SEL1L3: variants seen among roughly 807,000 people sequenced by gnomAD.
SEL1L3 encodes the protein SEL1L family member 3, also known as protein sel-1 homolog 3.
Under a neutral mutation model 142.8 loss-of-function variants are expected in SEL1L3, and 76 were observed. The observed-to-expected ratio is 0.53, with a 90% CI of 0.44 to 0.64. The LOEUF is 0.64. SEL1L3 is among the 30% of genes least tolerant of loss of function. SEL1L3 has a pLI of 0.00. For missense variants in SEL1L3, 1,262 were observed against 1,381.7 expected (o/e 0.91, Z 1.37); for synonymous variants, 504 against 519.6 (o/e 0.97, Z 0.41).
chr4:25,812,864 T>G (rs1714124090), intron 9 of SEL1L3, among the ~76,000 whole-genome samples: 1 of 151,672 alleles, frequency 6.6e-6, no homozygotes, highest in Admixed American at 6.6e-5. Context: ...AATACAAAAA[T>G]TAGCTGGGTG....
chr4:25,814,079 A>C (rs1714210038), intron 9 of SEL1L3, among the ~76,000 whole-genome samples: 1 of 152,188 alleles, frequency 6.6e-6, no homozygotes, highest in Non-Finnish European at 1.5e-5. Flanking sequence ...GTGTCTATGA[A>C]GAAAAGCTGC....
chr4:25,777,006 T>C (rs1461719560), intron 16 of SEL1L3, among the ~76,000 whole-genome samples: 1 of 151,456 alleles, frequency 6.6e-6, no homozygotes, highest in Non-Finnish European at 1.5e-5. Flanking sequence ...AATACACCAA[T>C]TAAAGATGAA....
At chr4:25,838,382 G>C (rs531066491) in intron 2 of SEL1L3, among the ~76,000 whole-genome samples, 1 of 152,310 alleles carries the variant, frequency 6.6e-6, no homozygotes, top group African/African-American at 2.4e-5. Context: ...AGAGGCAACA[G>C]ATATTATATG....
In SEL1L3 at chr4:25,802,306, G is replaced by T. The variant is rs1267827048; in HGVS notation, c.1933C>A (p.Gln645Lys). The T allele has an allele frequency of 6.2e-7, 1 of 1,613,452 alleles. No homozygotes were observed. Among genetic ancestry groups the T allele is most frequent in the Non-Finnish European group, 8.5e-7 (1 of 1,179,768 alleles). Residue 645 changes from glutamine (Q) to lysine (K), a missense_variant, in exon 11 of 24, where the codon CAG (glutamine) becomes AAG (lysine). This residue lies in a region of SEL1L3 where 435 missense variants were observed against 559.2 expected (regional missense o/e 0.78). Coordinates refer to ENST00000399878, the MANE Select transcript of SEL1L3 (RefSeq NM_015187.5). ...ACCTGATCTCCTTGCAGTGTGTGCT[G>T]GTCAAGGGGTGTCTTGGTGGCAATG... ...SNIATKTPLDQHTLQGDQAYV... is the reference protein window; with the variant it reads ...SNIATKTPLDKHTLQGDQAYV...
intron 2 of SEL1L3, among the ~76,000 whole-genome samples, chr4:25,837,669 G>A (rs1298845781): frequency 3.3e-5 from 5 of 152,090 alleles, no homozygotes; most frequent in Admixed American, 6.5e-5. Context: ...TTTGCCCTCA[G>A]TATGATACTG....
chr4:25,860,389 G>C (rs1577710583), intron 1 of SEL1L3, among the ~76,000 whole-genome samples: 1 of 152,132 alleles, frequency 6.6e-6, no homozygotes, highest in Non-Finnish European at 1.5e-5. Flanking sequence ...CCTTGATTGA[G>C]CAAAATGCAC....
intron 11 of SEL1L3, among the ~76,000 whole-genome samples, chr4:25,799,903 G>C (rs1302366568): frequency 6.6e-6 from 1 of 151,762 alleles, no homozygotes; most frequent in Non-Finnish European, 1.5e-5. Context: ...AGAAAATGTA[G>C]AGAGAGAACA....
chr4:25,811,091 G>A lies in SEL1L3; in HGVS notation c.1565-6339C>T, dbSNP rs188183463. ...CTGGTCCACAATTCTCACTGTGGTC[G>A]CCCCAGGGCCTGGCACCATGTGGGA... On this transcript the variant is annotated intron_variant, in intron 9 of 23. Transcript: ENST00000399878. 1.2e-4 allele frequency among the ~76,000 whole-genome samples: 18 copies of A among 152,272 alleles called. 1 individual carries two copies. In the East Asian group the frequency reaches 3.1e-3, roughly 26 times the overall value.
chr4:25,734,887 G>A, the SEL1L3 span, among the ~76,000 whole-genome samples: 12 of 152,104 alleles, frequency 7.9e-5, no homozygotes, highest in Non-Finnish European at 1.6e-4. Flanking sequence ...CTATGTTTAT[G>A]AGGAATATTG....
chr4:25,830,725 C>T (rs1302416946), intron 5 of SEL1L3, among the ~76,000 whole-genome samples: 1 of 152,160 alleles, frequency 6.6e-6, no homozygotes, highest in Non-Finnish European at 1.5e-5. Context: ...CTCAAGGGGC[C>T]ACTTACATTC....
intron 17 of SEL1L3, among the ~76,000 whole-genome samples, chr4:25,768,932 T>A (rs1718959238): frequency 6.6e-6 from 1 of 151,974 alleles, no homozygotes; most frequent in African/African-American, 2.4e-5. Flanking sequence ...AAAAAAACCC[T>A]AAAAATTATC....
chr4:25,810,909 G>A (rs1253678344), intron 9 of SEL1L3, among the ~76,000 whole-genome samples: 2 of 152,230 alleles, frequency 1.3e-5, no homozygotes, highest in African/African-American at 2.4e-5. Flanking sequence ...AGGCGTGCCC[G>A]CTCTGGGAGG....
intron 11 of SEL1L3, among the ~76,000 whole-genome samples, chr4:25,795,269 T>C (rs912563209): frequency 1.3e-5 from 2 of 152,202 alleles, no homozygotes; most frequent in Admixed American, 1.3e-4. Context: ...GCCTGGGTCA[T>C]GGCACACTCT....
chr4:25,722,200 G>A, the SEL1L3 span, among the ~76,000 whole-genome samples: 1 of 152,236 alleles, frequency 6.6e-6, no homozygotes, highest in Non-Finnish European at 1.5e-5. Flanking sequence ...AAAGGTAATG[G>A]AAGATGAGTT....
intron 2 of SEL1L3, among the ~76,000 whole-genome samples, chr4:25,846,551 C>A (rs1716523656): frequency 1.3e-5 from 2 of 152,116 alleles, no homozygotes; most frequent in African/African-American, 4.8e-5. Flanking sequence ...GTGGTACAAC[C>A]TCCCTTTCTG....
At chr4:25,756,210 C>T (rs1453047985) in intron 23 of SEL1L3, 2 of 985,254 alleles carry the variant, frequency 2.0e-6, no homozygotes, top group African/African-American at 3.5e-5. Flanking sequence ...TGTTTGCCTT[C>T]ATGAGTTATT....
rs750449765 is a variant in SEL1L3 at position 25,847,597 on chromosome 4, G to A, written c.430C>T (p.Gln144Ter). 6.2e-7 allele frequency: 1 copy of A among 1,613,946 alleles called. No individual in the cohort carries two copies. Among genetic ancestry groups the A allele is most frequent in the South Asian group, 1.1e-5 (1 of 91,080 alleles). Residue 144 changes from glutamine to a stop codon, truncating the protein, a stop_gained, in exon 2 of 24, where the codon CAA becomes TAA. Transcript: ENST00000399878. LOFTEE classifies it high-confidence loss of function. ...NEKHLHTSRT[Q>*]IVHVKFPSIM... ...CTTGGAAATTTCACATGTACTATTT[G>A]TGTCCTGCTGGTGTGAAGATGTTTC...
intron 23 of SEL1L3, chr4:25,756,501 T>G: frequency 2.0e-6 from 2 of 983,684 alleles, no homozygotes; most frequent in Non-Finnish European, 2.4e-6. Flanking sequence ...ACTTAATATT[T>G]TTTTCATTTT....
chr4:25,792,248 G>A (rs887880473), intron 11 of SEL1L3, among the ~76,000 whole-genome samples: 1 of 151,998 alleles, frequency 6.6e-6, no homozygotes, highest in Non-Finnish European at 1.5e-5. Flanking sequence ...CTTCGATCCA[G>A]GTATCACTGT....
Sources: allele counts gnomAD v4.1 joint callset (sites outside exome capture counted in the v4.1 genomes callset), GRCh38; gene constraint gnomAD v4.1.1; regional missense constraint gnomAD v4.1.1; transcripts MANE v1.5; gene names NCBI Gene and HGNC (gene_info 2026-07-23, HGNC 2026-07-21).